The following SPAG16 variants were observed in gnomAD, a reference collection of about 807,000 sequenced individuals.
SPAG16 encodes the protein sperm-associated antigen 16 protein.
In SPAG16, 86 loss-of-function variants were observed where a neutral mutation model predicts 80.4. That is an observed-to-expected ratio of 1.07 (90% confidence interval 0.90 to 1.28). The LOEUF (loss-of-function observed/expected upper bound fraction) is 1.28. Among genes scored for constraint, SPAG16 ranks in the 50% most tolerant of loss-of-function variants. The pLI is 0.00. For synonymous variants in SPAG16, 294 were observed against 265.9 expected (o/e 1.11, Z -1.03); for missense variants, 870 against 765.3 (o/e 1.14, Z -1.61).
chr2:213,717,008 G>C (rs2066265270), intron 10 of SPAG16, among the ~76,000 whole-genome samples: 1 of 151,996 alleles, frequency 6.6e-6, no homozygotes. Flanking sequence ...GACAGGCTTA[G>C]AGCTGTAAAG....
chr2:213,407,861 GAGAC>G (rs1194092092), intron 9 of SPAG16, among the ~76,000 whole-genome samples: 5 of 135,496 alleles, frequency 3.7e-5, no homozygotes, highest in Admixed American at 7.3e-5. Flanking sequence ...GGCAGAGAGA[GAGAC>G]AGGAGAGAGG....
intron 10 of SPAG16, among the ~76,000 whole-genome samples, chr2:213,848,240 T>C (rs1166242564): frequency 6.6e-6 from 1 of 152,154 alleles, no homozygotes; most frequent in African/African-American, 2.4e-5. Context: ...CTACCCACAG[T>C]GAGTAGATGG....
chr2:214,149,710 A>G (rs2055881865), intron 15 of SPAG16, among the ~76,000 whole-genome samples: 1 of 152,272 alleles, frequency 6.6e-6, no homozygotes, highest in Non-Finnish European at 1.5e-5. Context: ...TATTGTGTAG[A>G]GTTTACAACT....
intron 11 of SPAG16, among the ~76,000 whole-genome samples, chr2:213,893,579 G>A (rs1351362790): frequency 6.6e-6 from 1 of 152,094 alleles, no homozygotes; most frequent in South Asian, 2.1e-4. Flanking sequence ...ATGTATGTGT[G>A]TGTTGTGGGG....
At chr2:213,748,194 GA>G (rs1429472522) in intron 10 of SPAG16, among the ~76,000 whole-genome samples, 4 of 151,984 alleles carry the variant, frequency 2.6e-5, no homozygotes, top group African/African-American at 9.7e-5. Flanking sequence ...TTCAGGTTAC[GA>G]AAAATAGAGT....
intron 12 of SPAG16, among the ~76,000 whole-genome samples, chr2:213,946,078 CCTGA>C (rs1263398503): frequency 2.6e-5 from 4 of 152,042 alleles, no homozygotes; most frequent in Admixed American, 2.6e-4. Flanking sequence ...GAAAAGTTGA[CCTGA>C]CTTTTTGTCT....
At chr2:213,655,310 T>TA (rs1339034884) in intron 10 of SPAG16, among the ~76,000 whole-genome samples, 4 of 152,174 alleles carry the variant, frequency 2.6e-5, no homozygotes, top group Non-Finnish European at 4.4e-5. Flanking sequence ...TGTCTATTTT[T>TA]AAAAAACTCT....
intron 7 of SPAG16, among the ~76,000 whole-genome samples, chr2:213,351,352 A>G (rs2065316769): frequency 1.3e-5 from 2 of 152,154 alleles, no homozygotes. Flanking sequence ...CAAAGACCAA[A>G]GACATACCAT....
At chr2:214,348,614 G>A (rs868101387) in intron 15 of SPAG16, among the ~76,000 whole-genome samples, 2 of 152,134 alleles carry the variant, frequency 1.3e-5, no homozygotes, top group South Asian at 2.1e-4. Flanking sequence ...CTCTGGAGAA[G>A]CAAGTGCAAG....
intron 9 of SPAG16, among the ~76,000 whole-genome samples, chr2:213,406,930 C>T (rs886232026): frequency 5.8e-4 from 72 of 123,600 alleles, no homozygotes; most frequent in African/African-American, 2.1e-3. Flanking sequence ...CTCAGCGACG[C>T]GGATTTAAAA....
At chr2:213,447,065 A>G (rs2071361786) in intron 9 of SPAG16, among the ~76,000 whole-genome samples, 1 of 152,198 alleles carries the variant, frequency 6.6e-6, no homozygotes, top group Non-Finnish European at 1.5e-5. Flanking sequence ...TTAATTTGGG[A>G]AGATTGTGTT....
intron 13 of SPAG16, among the ~76,000 whole-genome samples, chr2:214,066,571 G>A (rs2050540433): frequency 6.6e-6 from 1 of 152,058 alleles, no homozygotes; most frequent in Admixed American, 6.6e-5. Context: ...CAGGTAAAGT[G>A]GCTCATGTAA....
At chr2:213,544,796 T>C in intron 10 of SPAG16, among the ~76,000 whole-genome samples, 1 of 152,152 alleles carries the variant, frequency 6.6e-6, no homozygotes, top group East Asian at 1.9e-4. Flanking sequence ...TCAGACTGGC[T>C]TATTTCACTT....
rs1294297808 is a variant in SPAG16, at chr2:214,087,333, A to G, written c.1528-20863A>G. The stretch of plus-strand genomic sequence containing the variant: ...ATTATGTAAAAAAGTGATGGATACC[A>G]TTCAATTCTTCATTTTTTACCCCTA... On this transcript the variant is annotated intron_variant, in intron 13 of 15. Transcript: ENST00000331683. 2.0e-5 allele frequency among the ~76,000 whole-genome samples: 3 copies of G among 152,300 alleles called. No individual in the cohort carries two copies. In the East Asian group the frequency reaches 5.8e-4, roughly 29 times the overall value.
At chr2:213,652,220 TAA>T (rs1046464682) in intron 10 of SPAG16, among the ~76,000 whole-genome samples, 11 of 152,342 alleles carry the variant, frequency 7.2e-5, no homozygotes, top group African/African-American at 2.6e-4. Context: ...CTGATATTTA[TAA>T]AGTGTTCAGA....
chr2:214,149,341 C>A, intron 15 of SPAG16, 75 bp downstream of exon 15: 2 of 1,286,696 alleles, frequency 1.6e-6, no homozygotes, highest in South Asian at 2.0e-5. Context: ...TTTTGTTTCT[C>A]CTTAAATGTA....
chr2:213,905,989 G>A (rs546777758), intron 11 of SPAG16, among the ~76,000 whole-genome samples: 63 of 152,262 alleles, frequency 4.1e-4, no homozygotes, highest in African/African-American at 1.5e-3. Context: ...TCAACTTTGA[G>A]ATGAATAAAT....
chr2:214,333,639 A>G (rs1697082647), intron 15 of SPAG16, among the ~76,000 whole-genome samples: 1 of 152,184 alleles, frequency 6.6e-6, no homozygotes, highest in South Asian at 2.1e-4. Context: ...TCTTCCAGAG[A>G]ACATAATCAG....
intron 13 of SPAG16, among the ~76,000 whole-genome samples, chr2:214,020,894 G>A (rs2047829937): frequency 1.3e-5 from 2 of 152,148 alleles, no homozygotes; most frequent in South Asian, 4.1e-4. Context: ...CTGCCCTTAT[G>A]TAGATTTGGT....
Sources: gnomAD v4.1 joint callset for allele counts (sites outside exome capture counted in the v4.1 genomes callset) on GRCh38, gnomAD v4.1.1 for gene constraint, MANE v1.5 for transcripts, NCBI Gene and HGNC (gene_info 2026-07-23, HGNC 2026-07-21) for gene names.